NMNAT3: variants seen among roughly 807,000 people sequenced by gnomAD.
NMNAT3 encodes nicotinamide/nicotinic acid mononucleotide adenylyltransferase 3.
In NMNAT3, 21 loss-of-function variants were observed where a neutral mutation model predicts 24.8. That is an observed-to-expected ratio of 0.85 (90% CI 0.60 to 1.22). The LOEUF (loss-of-function observed/expected upper bound fraction) is 1.22, where lower values mean the gene tolerates loss of function less well. Among genes scored for constraint, NMNAT3 ranks in the 50% most tolerant of loss-of-function variants. The pLI is 0.00. For synonymous variants in NMNAT3, 136 were observed against 155.2 expected (o/e 0.88, Z 0.92); for missense variants, 387 against 436.6 (o/e 0.89, Z 1.01).
At chr3:139,650,190 C>T (rs1437565897) in intron 1 of NMNAT3, among the ~76,000 whole-genome samples, 1 of 152,182 alleles carries the variant, frequency 6.6e-6, no homozygotes, top group African/African-American at 2.4e-5. Flanking sequence ...TCTCTCTTCT[C>T]CATATAATAT....
intron 1 of NMNAT3, among the ~76,000 whole-genome samples, chr3:139,645,000 G>A (rs1014884958): frequency 6.6e-6 from 1 of 152,124 alleles, no homozygotes; most frequent in Non-Finnish European, 1.5e-5. Context: ...TCAGGAGTTC[G>A]AGACTAGCCT....
Position 139,583,089 on chromosome 3 carries a change from C to G in NMNAT3, c.229G>C (p.Asp77His), listed in dbSNP as rs1195233270. The G allele has an allele frequency of 6.3e-7, 1 of 1,585,420 alleles. No homozygotes were observed. The highest frequency in any genetic ancestry group is 2.2e-5 in the East Asian group (1 of 44,738). Reference sequence around the variant, plus strand: ...TTAAAAGATGACTTGTCAGGGTCATCATTTTTGCTGCTAACATTATTTTGA... The same window carrying G: ...TTAAAAGATGACTTGTCAGGGTCATGATTTTTGCTGCTAACATTATTTTGA... The change falls in exon 4 of 7, where the codon GAT (aspartate) becomes CAT (histidine). Residue 77 changes from aspartate to histidine, a missense_variant. Asp to His is a moderately conservative substitution (Grantham distance 81, BLOSUM62 -1). Coordinates refer to ENST00000643695, the MANE Select transcript of NMNAT3 (RefSeq NM_001320510.2).
At chr3:139,641,395 G>A (rs974490754) in intron 1 of NMNAT3, among the ~76,000 whole-genome samples, 2 of 152,300 alleles carry the variant, frequency 1.3e-5, no homozygotes, top group African/African-American at 4.8e-5. Flanking sequence ...GATACATGTT[G>A]ATCTACGAGT....
chr3:139,672,115 T>A (rs147432293), intron 1 of NMNAT3, among the ~76,000 whole-genome samples: 50 of 152,338 alleles, frequency 3.3e-4, no homozygotes, highest in African/African-American at 1.2e-3. Context: ...CCTTGCTCCG[T>A]ACTCTCCTCT....
chr3:139,675,643 C>T (rs1397864165), intron 1 of NMNAT3, among the ~76,000 whole-genome samples: 1 of 152,168 alleles, frequency 6.6e-6, no homozygotes, highest in Admixed American at 6.5e-5. Flanking sequence ...TCACCCTGCA[C>T]AATTCCTCAT....
At chr3:139,586,061 G>C (rs1318965754) in intron 3 of NMNAT3, among the ~76,000 whole-genome samples, 1 of 152,170 alleles carries the variant, frequency 6.6e-6, no homozygotes, top group African/African-American at 2.4e-5. Context: ...TAACCTCTCT[G>C]GTTCCAGGTG....
intron 1 of NMNAT3, among the ~76,000 whole-genome samples, chr3:139,642,397 G>A (rs1979767): frequency 0.085 from 12,977 of 152,100 alleles, 895 homozygotes; most frequent in East Asian, 0.23. Flanking sequence ...TCTGCATAAT[G>A]TGGTCTCTAA....
intron 5 of NMNAT3, among the ~76,000 whole-genome samples, chr3:139,578,643 C>G (rs1939679841): frequency 6.6e-6 from 1 of 152,206 alleles, no homozygotes; most frequent in African/African-American, 2.4e-5. Flanking sequence ...GGTGTTTCCA[C>G]AAAGTGCATT....
intron 3 of NMNAT3, among the ~76,000 whole-genome samples, chr3:139,597,744 C>T (rs2054544360): frequency 6.6e-6 from 1 of 152,204 alleles, no homozygotes; most frequent in African/African-American, 2.4e-5. Flanking sequence ...ATGAGACTTG[C>T]TTTGACCAAT....
intron 3 of NMNAT3, among the ~76,000 whole-genome samples, chr3:139,605,079 A>G (rs957485019): frequency 6.6e-6 from 1 of 152,160 alleles, no homozygotes; most frequent in African/African-American, 2.4e-5. Flanking sequence ...GTGCGTCTCA[A>G]GAAAAAATAT....
chr3:139,615,671 T>C (rs966127718), intron 3 of NMNAT3, among the ~76,000 whole-genome samples: 2 of 152,226 alleles, frequency 1.3e-5, no homozygotes, highest in Non-Finnish European at 2.9e-5. Context: ...ATCTATAAGA[T>C]ATGTACTTAT....
chr3:139,595,990 A>T (rs561161050), intron 3 of NMNAT3, among the ~76,000 whole-genome samples: 76 of 152,370 alleles, frequency 5.0e-4, no homozygotes, highest in African/African-American at 1.8e-3. Flanking sequence ...AAGCTTCTGC[A>T]CAGCAAAAGA....
intron 3 of NMNAT3, among the ~76,000 whole-genome samples, chr3:139,617,002 C>G (rs974232582): frequency 2.6e-5 from 4 of 152,216 alleles, no homozygotes; most frequent in Non-Finnish European, 4.4e-5. Context: ...TATGCACTTT[C>G]TTAAGCCAAG....
chr3:139,599,833 T>C (rs2054633552), intron 3 of NMNAT3, among the ~76,000 whole-genome samples: 1 of 152,208 alleles, frequency 6.6e-6, no homozygotes, highest in African/African-American at 2.4e-5. Flanking sequence ...TGTGTCCTGC[T>C]GGCCAGAAGT....
chr3:139,639,719 G>T (rs2056634153), intron 1 of NMNAT3, among the ~76,000 whole-genome samples: 1 of 152,198 alleles, frequency 6.6e-6, no homozygotes, highest in South Asian at 2.1e-4. Flanking sequence ...TGTCTCCGAG[G>T]GAGAAGTCTC....
intron 3 of NMNAT3, among the ~76,000 whole-genome samples, chr3:139,607,187 T>C (rs1425645143): frequency 6.6e-6 from 1 of 151,870 alleles, no homozygotes; most frequent in African/African-American, 2.4e-5. Context: ...TCTATATCTA[T>C]CCTCAAATGT....
At chr3:139,671,147 A>C (rs2057742775) in intron 1 of NMNAT3, among the ~76,000 whole-genome samples, 1 of 152,242 alleles carries the variant, frequency 6.6e-6, no homozygotes, top group Admixed American at 6.5e-5. Flanking sequence ...TAATATAGAA[A>C]GCTTGATATA....
intron 3 of NMNAT3, among the ~76,000 whole-genome samples, chr3:139,585,997 G>A (rs891036823): frequency 1.5e-4 from 23 of 152,198 alleles, no homozygotes; most frequent in Non-Finnish European, 2.5e-4. Context: ...TAAGTGAGCC[G>A]TTCTGGCAAG....
At chr3:139,606,653 T>G (rs1193257952) in intron 3 of NMNAT3, among the ~76,000 whole-genome samples, 1 of 152,238 alleles carries the variant, frequency 6.6e-6, no homozygotes, top group Non-Finnish European at 1.5e-5. Flanking sequence ...CAATTATTAC[T>G]GTTAAATTAG....
Sources: allele counts gnomAD v4.1 joint callset (sites outside exome capture counted in the v4.1 genomes callset), GRCh38; gene constraint gnomAD v4.1.1; transcripts MANE v1.5; gene names NCBI Gene and HGNC (gene_info 2026-07-23, HGNC 2026-07-21).